ANKS1B: variants seen among roughly 807,000 people sequenced by gnomAD.
ANKS1B encodes ankyrin repeat and sterile alpha motif domain containing 1B.
In ANKS1B, 36 loss-of-function variants were observed where a neutral mutation model predicts 148.3. The observed-to-expected ratio is 0.24, with a 90% CI of 0.19 to 0.32. The LOEUF is 0.32. ANKS1B is among the 10% of genes least tolerant of loss of function. ANKS1B has a pLI of 1.00. For synonymous variants in ANKS1B, 542 were observed against 560.8 expected (o/e 0.97, Z 0.47); for missense variants, 1,157 against 1,542.6 (o/e 0.75, Z 4.19).
chr12:99,252,425 C>T (rs547620929), intron 12 of ANKS1B, among the ~76,000 whole-genome samples: 14 of 152,136 alleles, frequency 9.2e-5, no homozygotes, highest in African/African-American at 3.4e-4. Context: ...AAACAAGACA[C>T]GGGGATAGTA....
rs553893653 is a variant in ANKS1B, at chr12:99,814,454, A to G, written c.216-2143T>C. Among the ~76,000 whole-genome samples, 4 of 151,884 alleles carry G rather than the reference A, an allele frequency of 2.6e-5. No individual in the cohort carries two copies. The South Asian group carries it at 8.3e-4, about 31-fold the overall frequency. On this transcript the variant is annotated intron_variant, in intron 2 of 26. Coordinates refer to ENST00000683438, the MANE Select transcript of ANKS1B (RefSeq NM_001352186.2). ...GCTTATAGAAAGTCACCTTCGAAAAACAGAATCAGAAAATCAGAAGGAAAC... is the reference window on the plus strand; with the variant it reads ...GCTTATAGAAAGTCACCTTCGAAAAGCAGAATCAGAAAATCAGAAGGAAAC...
intron 17 of ANKS1B, among the ~76,000 whole-genome samples, chr12:99,010,757 A>G (rs57873850): frequency 2.1e-5 from 2 of 96,124 alleles, no homozygotes; most frequent in East Asian, 5.0e-4. Context: ...TATTATTATT[A>G]TTATTTTTTT....
chr12:99,235,035 A>G (rs148215459), intron 14 of ANKS1B, among the ~76,000 whole-genome samples: 201 of 152,256 alleles, frequency 1.3e-3, no homozygotes, highest in African/African-American at 4.4e-3. Flanking sequence ...GTTAATAACA[A>G]TGATTCTTTG....
Position 98,966,888 on chromosome 12 carries a change from G to A in ANKS1B, c.2778+86269C>T, listed in dbSNP as rs1013391531. 5.5e-5 allele frequency among the ~76,000 whole-genome samples: 7 copies of A among 126,692 alleles called. No individual in the cohort carries two copies. In the South Asian group the frequency reaches 9.4e-4, roughly 17 times the overall value. The allele number at this position is 126,692 out of a possible 152,430, so 83.1% of individuals were successfully genotyped here. ...GGAACATCACACACCGGGGCCTGTC[G>A]TGGGGTGGGGGGAGGGGGGAGGGAT... On this transcript the variant is annotated intron_variant, in intron 17 of 26. Coordinates refer to ENST00000683438, the MANE Select transcript of ANKS1B (RefSeq NM_001352186.2).
intron 12 of ANKS1B, among the ~76,000 whole-genome samples, chr12:99,369,428 A>C (rs188901045): frequency 6.5e-4 from 99 of 152,330 alleles, no homozygotes; most frequent in Admixed American, 1.2e-3. Flanking sequence ...TTCTAGACTT[A>C]AAGAAACTTG....
intron 9 of ANKS1B, among the ~76,000 whole-genome samples, chr12:99,610,101 G>T (rs2153339993): frequency 6.6e-6 from 1 of 152,056 alleles, no homozygotes; most frequent in African/African-American, 2.4e-5. Context: ...ACTCCTACAA[G>T]AAAAGGTTAA....
At chr12:99,971,064 T>TA (rs1375254251) in intron 1 of ANKS1B, among the ~76,000 whole-genome samples, 1 of 152,206 alleles carries the variant, frequency 6.6e-6, no homozygotes, top group Non-Finnish European at 1.5e-5. Context: ...ATCAGTTTTC[T>TA]AAAAAATCCT....
At chr12:99,261,746 A>G (rs1379184607) in intron 12 of ANKS1B, among the ~76,000 whole-genome samples, 1 of 151,968 alleles carries the variant, frequency 6.6e-6, no homozygotes, top group Non-Finnish European at 1.5e-5. Context: ...TTTGCACCTC[A>G]CAGGCAATTC....
At chr12:99,531,609 T>C (rs771779173) in intron 9 of ANKS1B, among the ~76,000 whole-genome samples, 52 of 152,220 alleles carry the variant, frequency 3.4e-4, no homozygotes, top group Non-Finnish European at 5.9e-4. Context: ...CGGTCATCAG[T>C]TGATGGGCAC....
intron 17 of ANKS1B, among the ~76,000 whole-genome samples, chr12:98,979,565 C>T (rs961583921): frequency 6.6e-6 from 1 of 152,180 alleles, no homozygotes; most frequent in Non-Finnish European, 1.5e-5. Context: ...GCCACTGCGC[C>T]CAGCTATCTT....
intron 2 of ANKS1B, 52 bp downstream of exon 2, chr12:99,825,257 T>A: frequency 6.9e-7 from 1 of 1,451,794 alleles, no homozygotes; most frequent in African/African-American, 1.4e-5. Context: ...ATAATTAACT[T>A]CATCACATGT....
chr12:99,139,874 C>G (rs1018589770), intron 15 of ANKS1B, among the ~76,000 whole-genome samples: 2 of 152,036 alleles, frequency 1.3e-5, no homozygotes, highest in South Asian at 4.1e-4. Flanking sequence ...CCTGAGAACT[C>G]CTTAACAAAG....
Position 99,050,195 on chromosome 12 carries a change from A to G in ANKS1B, c.2778+2962T>C, listed in dbSNP as rs534907690. The stretch of plus-strand genomic sequence containing the variant: ...ACCTCTCTCATTAGTTGGGATAAAC[A>G]AGTCTTGAATTTGAGATAATTCAAA... On this transcript the variant is annotated intron_variant, in intron 17 of 26. Transcript: ENST00000683438. Among the ~76,000 whole-genome samples, 3 of 152,326 alleles carry G rather than the reference A, an allele frequency of 2.0e-5. No individual in the cohort carries two copies. In the East Asian group the frequency reaches 5.8e-4, roughly 29 times the overall value.
chr12:99,119,432 T>C lies in ANKS1B; in HGVS notation c.2527-34409A>G, dbSNP rs188881895. 6.6e-5 allele frequency among the ~76,000 whole-genome samples: 10 copies of C among 152,324 alleles called. No individual in the cohort carries two copies. The East Asian group carries it at 1.9e-3, about 29-fold the overall frequency. On this transcript the variant is annotated intron_variant, in intron 15 of 26. Transcript: ENST00000683438. ...TTGGAGAGAAGATAAATGTTTTTTT[T>C]AGCCAGCAAGTTCATGGTAATTTGT... is the stretch of plus-strand genomic sequence containing the variant.
intron 8 of ANKS1B, among the ~76,000 whole-genome samples, chr12:99,707,636 T>C (rs7300704): frequency 0.21 from 31,170 of 151,832 alleles, 3,428 homozygotes; most frequent in Middle Eastern, 0.25. Context: ...AAAGGTGATA[T>C]GTGGGTGGTG....
intron 8 of ANKS1B, among the ~76,000 whole-genome samples, chr12:99,771,631 A>T (rs906149568): frequency 6.6e-6 from 1 of 152,104 alleles, no homozygotes. Context: ...ATTATAAATT[A>T]TTTCATTAAT....
Position 99,572,121 on chromosome 12 carries a change from C to T in ANKS1B, c.1273-67480G>A, listed in dbSNP as rs540982654. Among the ~76,000 whole-genome samples the T allele has an allele frequency of 1.3e-4, 20 of 152,148 alleles. No individual in the cohort carries two copies. The South Asian group carries it at 3.9e-3, about 30-fold the overall frequency. On this transcript the variant is annotated intron_variant, in intron 9 of 26. Transcript: ENST00000683438. ...AAGCTCTATGACCCTGGGCACTTCACATCTTGGCTCTCAGTTTGTCTCTCT... is the reference window on the plus strand; with the variant it reads ...AAGCTCTATGACCCTGGGCACTTCATATCTTGGCTCTCAGTTTGTCTCTCT...
intron 9 of ANKS1B, among the ~76,000 whole-genome samples, chr12:99,548,242 T>C (rs565853319): frequency 5.6e-4 from 86 of 152,310 alleles, no homozygotes; most frequent in African/African-American, 1.9e-3. Flanking sequence ...AATTTTGCTA[T>C]AGGTTGCTAA....
intron 17 of ANKS1B, among the ~76,000 whole-genome samples, chr12:98,944,303 A>AC (rs2099841789): frequency 1.9e-4 from 2 of 10,338 alleles, no homozygotes; most frequent in African/African-American, 4.8e-4. Context: ...TCCACCTCAC[A>AC]AAAAAAAAAA....
Sources: allele counts gnomAD v4.1 joint callset (sites outside exome capture counted in the v4.1 genomes callset), GRCh38; gene constraint gnomAD v4.1.1; transcripts MANE v1.5; gene names NCBI Gene and HGNC (gene_info 2026-07-23, HGNC 2026-07-21).